SLC14A2: variants seen among roughly 807,000 people sequenced by gnomAD.
The protein encoded by SLC14A2 is urea transporter 2.
SLC14A2 carries 91 observed loss-of-function variants against 104.6 expected under a neutral mutation model. That is an observed-to-expected ratio of 0.87 (90% CI 0.73 to 1.04). The LOEUF is 1.04. SLC14A2 is among the 50% of genes least tolerant of loss of function. The pLI, the probability that SLC14A2 is intolerant of heterozygous loss-of-function variation, is 0.00. For missense variants in SLC14A2, 1,189 were observed against 1,156.0 expected, an observed-to-expected ratio of 1.03 and a Z score of -0.41; for synonymous variants, 476 against 466.4, an observed-to-expected ratio of 1.02 and a Z score of -0.27.
At chr18:45,625,407 A>G (rs1032267264) in intron 2 of SLC14A2, among the ~76,000 whole-genome samples, 5 of 152,300 alleles carry the variant, frequency 3.3e-5, no homozygotes, top group African/African-American at 1.2e-4. Context: ...ATTTACAAAC[A>G]TTATTCTGAA....
intron 2 of SLC14A2, among the ~76,000 whole-genome samples, chr18:45,538,576 A>G (rs2043833821): frequency 6.6e-6 from 1 of 152,230 alleles, no homozygotes; most frequent in Admixed American, 6.5e-5. Context: ...CTGACACAAC[A>G]TAACAGCTTG....
At chr18:45,427,666 A>G (rs1162754788) in intron 1 of SLC14A2, among the ~76,000 whole-genome samples, 1 of 152,312 alleles carries the variant, frequency 6.6e-6, no homozygotes, top group African/African-American at 2.4e-5. Flanking sequence ...ATAATGACTC[A>G]GATAACCCCA....
chr18:45,491,230 A>G (rs942781321), intron 2 of SLC14A2, among the ~76,000 whole-genome samples: 10 of 152,232 alleles, frequency 6.6e-5, no homozygotes, highest in African/African-American at 2.4e-4. Context: ...GAGCAATGGG[A>G]AAACACTGTA....
chr18:45,403,479 A>G (rs916858001), intron 1 of SLC14A2, among the ~76,000 whole-genome samples: 3 of 152,200 alleles, frequency 2.0e-5, no homozygotes, highest in African/African-American at 4.8e-5. Context: ...GCTGTGGGCC[A>G]TGGACACAGT....
intron 2 of SLC14A2, among the ~76,000 whole-genome samples, chr18:45,590,551 T>C (rs887374413): frequency 6.6e-6 from 1 of 152,204 alleles, no homozygotes; most frequent in South Asian, 2.1e-4. Context: ...CACGTGTGTG[T>C]ACAGAGTTTG....
intron 10 of SLC14A2, among the ~76,000 whole-genome samples, chr18:45,661,806 A>G (rs1361149246): frequency 1.3e-5 from 2 of 152,196 alleles, no homozygotes; most frequent in Non-Finnish European, 2.9e-5. Context: ...ACCCCTCATC[A>G]TCCTGCATGA....
chr18:45,679,030 T>A lies in SLC14A2; in HGVS notation c.2562+6T>A. 7 of 1,611,206 alleles carry A rather than the reference T, an allele frequency of 4.3e-6. No individual in the cohort carries two copies. The highest frequency in any genetic ancestry group is 5.9e-6 in the Non-Finnish European group (7 of 1,179,528). On this transcript the variant is annotated splice_donor_region_variant and intron_variant, in intron 19 of 19. Coordinates refer to ENST00000255226, the MANE Select transcript of SLC14A2 (RefSeq NM_007163.4). ...TGGCTAACATGTTATCTGTGGTGAG[T>A]CAACACAGGCTCAGAACGTGCCTAC... is the stretch of plus-strand genomic sequence containing the variant.
intron 2 of SLC14A2, among the ~76,000 whole-genome samples, chr18:45,516,345 C>T (rs530956909): frequency 2.0e-5 from 3 of 152,144 alleles, no homozygotes; most frequent in South Asian, 2.1e-4. Context: ...GTTTGAAGAC[C>T]TTGGTCCCCC....
rs542411967 is a variant in SLC14A2 at position 45,339,250 on chromosome 18, C to A, written c.-125+126059C>A. ...AAGTGCTGGGATTACAGGCACAAGC[C>A]ACCGCACCTGGCCTCCTTATACCTC... On this transcript the variant is annotated intron_variant, in intron 1 of 20. Coordinates refer to the SLC14A2 transcript ENST00000586448. Among the ~76,000 whole-genome samples the A allele has an allele frequency of 7.2e-5, 11 of 152,300 alleles. No individual in the cohort carries two copies. The South Asian group carries it at 2.1e-3, about 29-fold the overall frequency.
the SLC14A2 span, among the ~76,000 whole-genome samples, chr18:45,190,423 T>C: frequency 6.6e-6 from 1 of 152,180 alleles, no homozygotes; most frequent in Admixed American, 6.5e-5. Context: ...AAAAACACAG[T>C]TTCCCTCCTC....
intron 1 of SLC14A2, chr18:45,447,568 A>G (rs2086790909): frequency 6.6e-6 from 1 of 152,238 alleles, no homozygotes; most frequent in Non-Finnish European, 1.5e-5. Context: ...CACCTTTCAC[A>G]AAGAGCTTAT....
chr18:45,194,807 G>A, the SLC14A2 span, among the ~76,000 whole-genome samples: 1 of 151,742 alleles, frequency 6.6e-6, no homozygotes, highest in Non-Finnish European at 1.5e-5. Flanking sequence ...CATCATGCCG[G>A]CTAATTTTTT....
chr18:45,401,434 G>T (rs913779150), intron 1 of SLC14A2, among the ~76,000 whole-genome samples: 2 of 152,152 alleles, frequency 1.3e-5, no homozygotes, highest in Non-Finnish European at 2.9e-5. Context: ...AAAAAGCAAA[G>T]GGGGAGTATG....
chr18:45,278,531 C>T (rs958390781), intron 1 of SLC14A2, among the ~76,000 whole-genome samples: 2 of 152,146 alleles, frequency 1.3e-5, no homozygotes, highest in African/African-American at 4.8e-5. Flanking sequence ...ACTTGGCTCA[C>T]CCATATCACA....
intron 2 of SLC14A2, among the ~76,000 whole-genome samples, chr18:45,524,785 C>G (rs1451439743): frequency 6.6e-6 from 1 of 152,144 alleles, no homozygotes; most frequent in Non-Finnish European, 1.5e-5. Context: ...CTGGCCTCAG[C>G]TGCTCCATAT....
chr18:45,272,827 T>A (rs1304851229), intron 1 of SLC14A2, among the ~76,000 whole-genome samples: 2 of 152,084 alleles, frequency 1.3e-5, no homozygotes, highest in African/African-American at 4.8e-5. Context: ...TTGTTGTGCT[T>A]ATTTCACATT....
chr18:45,480,234 T>C (rs1365186339), intron 1 of SLC14A2, among the ~76,000 whole-genome samples: 1 of 152,146 alleles, frequency 6.6e-6, no homozygotes, highest in African/African-American at 2.4e-5. Context: ...TTGCTACCTG[T>C]CCAAAATTTT....
intron 2 of SLC14A2, among the ~76,000 whole-genome samples, chr18:45,569,286 GTTTCT>G (rs2044312812): frequency 6.6e-6 from 1 of 152,068 alleles, no homozygotes; most frequent in Admixed American, 6.5e-5. Context: ...CTTTCTACTG[GTTTCT>G]CACCAATAGC....
chr18:45,621,904 C>A (rs1174509757), intron 1 of SLC14A2, among the ~76,000 whole-genome samples: 2 of 152,232 alleles, frequency 1.3e-5, no homozygotes, highest in Non-Finnish European at 2.9e-5. Flanking sequence ...GAAAGGTCTT[C>A]ATGCCAATGA....
Sources: allele counts gnomAD v4.1 joint callset (sites outside exome capture counted in the v4.1 genomes callset), GRCh38; gene constraint gnomAD v4.1.1; transcripts MANE v1.5; gene names NCBI Gene and HGNC (gene_info 2026-07-23, HGNC 2026-07-21).